Variants in SEMA3E observed in about 807,000 individuals in gnomAD.
The protein encoded by SEMA3E is semaphorin 3E.
A neutral mutation model predicts 93.6 loss-of-function variants in SEMA3E; 49 were observed. The ratio of observed to expected loss-of-function variants is 0.52; its 90% CI spans 0.42 to 0.66. The LOEUF is 0.66. SEMA3E is among the 30% of genes least tolerant of loss of function. The pLI, the probability that SEMA3E is intolerant of heterozygous loss-of-function variation, is 0.00. For synonymous variants in SEMA3E, 363 were observed against 330.7 expected, an observed-to-expected ratio of 1.10 and a Z score of -1.06; for missense variants, 906 against 964.8, an observed-to-expected ratio of 0.94 and a Z score of 0.81.
At chr7:83,429,747 T>A (rs1011948919) in intron 4 of SEMA3E, among the ~76,000 whole-genome samples, 2 of 152,208 alleles carry the variant, frequency 1.3e-5, no homozygotes, top group East Asian at 3.8e-4. Context: ...CAAGTGACTT[T>A]CTTTAAAGTT....
intron 7 of SEMA3E, among the ~76,000 whole-genome samples, chr7:83,406,880 T>C (rs1203849644): frequency 1.3e-5 from 2 of 152,174 alleles, no homozygotes. Context: ...CTTCTTGGTA[T>C]AGCTTCAAAA....
At chr7:83,520,948 G>A (rs1188495393) in intron 1 of SEMA3E, among the ~76,000 whole-genome samples, 1 of 152,158 alleles carries the variant, frequency 6.6e-6, no homozygotes, top group Non-Finnish European at 1.5e-5. Flanking sequence ...ACACGTATGG[G>A]GCATTAGGTT....
At chr7:83,620,124 T>C (rs2044826609) in intron 1 of SEMA3E, among the ~76,000 whole-genome samples, 1 of 151,876 alleles carries the variant, frequency 6.6e-6, no homozygotes, top group African/African-American at 2.4e-5. Flanking sequence ...TCAGAATGAA[T>C]AAAGTGATAG....
chr7:83,409,320 A>T (rs933329990), intron 5 of SEMA3E, among the ~76,000 whole-genome samples: 2 of 152,130 alleles, frequency 1.3e-5, no homozygotes, highest in African/African-American at 2.4e-5. Flanking sequence ...CTTTCCCAAA[A>T]CTCACAAGAG....
chr7:83,620,929 C>A (rs1267389520), intron 1 of SEMA3E, among the ~76,000 whole-genome samples: 2 of 152,144 alleles, frequency 1.3e-5, no homozygotes, highest in East Asian at 3.9e-4. Flanking sequence ...CCTTGAAAAC[C>A]AGCACAAGGC....
chr7:83,563,130 TG>T (rs769318228), intron 1 of SEMA3E, among the ~76,000 whole-genome samples: 1 of 152,202 alleles, frequency 6.6e-6, no homozygotes, highest in Non-Finnish European at 1.5e-5. Context: ...ATCTGATCAT[TG>T]GCCAGCCTGT....
intron 2 of SEMA3E, among the ~76,000 whole-genome samples, chr7:83,480,470 TAAAG>T (rs1207486503): frequency 6.6e-6 from 1 of 152,162 alleles, no homozygotes; most frequent in Non-Finnish European, 1.5e-5. Context: ...TAAGATGTTT[TAAAG>T]TCACAGGGAA....
intron 1 of SEMA3E, among the ~76,000 whole-genome samples, chr7:83,638,597 T>C (rs975109457): frequency 1.3e-5 from 2 of 152,178 alleles, no homozygotes; most frequent in Non-Finnish European, 2.9e-5. Flanking sequence ...CAGATAATGG[T>C]AATATAGTTA....
In SEMA3E at chr7:83,402,617, T is replaced by G. The variant is rs775045251; in HGVS notation, c.1143+15A>C. 1.2e-6 allele frequency: 2 copies of G among 1,606,846 alleles called. No homozygotes were observed. Among genetic ancestry groups the G allele is most frequent in the Non-Finnish European group, 1.7e-6 (2 of 1,173,892 alleles). On this transcript the variant is annotated intron_variant, in intron 10 of 16. Coordinates refer to ENST00000643230, the MANE Select transcript of SEMA3E (RefSeq NM_012431.3). ...ACTTAAAAATAAGAATTATTTGTTA[T>G]ATAACTAAACTTACAGAACCAGGCC... is the stretch of plus-strand genomic sequence containing the variant.
chr7:83,492,896 A>G (rs1790414790), intron 1 of SEMA3E, among the ~76,000 whole-genome samples: 1 of 151,930 alleles, frequency 6.6e-6, no homozygotes, highest in African/African-American at 2.4e-5. Context: ...TTACCTCTAA[A>G]AACATGAGAA....
intron 1 of SEMA3E, among the ~76,000 whole-genome samples, chr7:83,608,171 C>A (rs191251770): frequency 1.3e-5 from 2 of 152,040 alleles, no homozygotes; most frequent in Admixed American, 6.6e-5. Context: ...CAAGATCATG[C>A]CATTGCACTT....
At chr7:83,512,049 A>T (rs994021232) in intron 1 of SEMA3E, among the ~76,000 whole-genome samples, 13 of 152,122 alleles carry the variant, frequency 8.5e-5, no homozygotes, top group African/African-American at 3.1e-4. Flanking sequence ...CATTAGTTTT[A>T]TTTTTTTTAC....
At chr7:83,601,973 G>A (rs1224654792) in intron 1 of SEMA3E, among the ~76,000 whole-genome samples, 2 of 152,186 alleles carry the variant, frequency 1.3e-5, no homozygotes, top group Admixed American at 6.5e-5. Context: ...TGTAATCAAT[G>A]TGAGCATATT....
rs977362422 is a variant in SEMA3E, at chr7:83,364,290, T to C, written c.*3296A>G. On this transcript the variant is annotated 3_prime_UTR_variant, in exon 17 of 17. Transcript: ENST00000643230. ...TAGTATTTTACAAATTTTACAAATG[T>C]TTATAATTACTATGAAGATTTACAA... 2.0e-5 allele frequency: 3 copies of C among 152,194 alleles called. No homozygotes were observed. Among genetic ancestry groups the C allele is most frequent in the Admixed American group, 6.5e-5 (1 of 15,282 alleles). 9.4% of individuals were successfully genotyped at this position (152,194 alleles called of 1,614,324 possible). A position where few individuals can be genotyped will look rare whatever the true frequency, so the allele number is the denominator to read the frequency against.
At chr7:83,517,256 C>T (rs970919839) in intron 1 of SEMA3E, among the ~76,000 whole-genome samples, 4 of 152,100 alleles carry the variant, frequency 2.6e-5, no homozygotes, top group African/African-American at 9.7e-5. Context: ...TGCTCTATGG[C>T]CTTTACACAC....
At chr7:83,550,109 C>T (rs1791735083) in intron 1 of SEMA3E, among the ~76,000 whole-genome samples, 1 of 152,004 alleles carries the variant, frequency 6.6e-6, no homozygotes, top group Admixed American at 6.6e-5. Flanking sequence ...ACATCGTAAG[C>T]CAAGAAAATC....
chr7:83,533,893 T>TG (rs1791355898), intron 1 of SEMA3E, among the ~76,000 whole-genome samples: 1 of 152,180 alleles, frequency 6.6e-6, no homozygotes, highest in Admixed American at 6.5e-5. Flanking sequence ...TTTAGGCTAT[T>TG]GTCCTAAAGA....
chr7:83,414,798 A>C, intron 5 of SEMA3E, among the ~76,000 whole-genome samples: 1 of 152,062 alleles, frequency 6.6e-6, no homozygotes, highest in East Asian at 1.9e-4. Flanking sequence ...TTTTCCCCAA[A>C]CTCTAGCTAC....
chr7:83,476,469 CA>C (rs1313940301), intron 2 of SEMA3E, among the ~76,000 whole-genome samples: 1 of 152,094 alleles, frequency 6.6e-6, no homozygotes, highest in Non-Finnish European at 1.5e-5. Context: ...CAGTAAAGTT[CA>C]ACACATGGGG....
Sources: allele counts gnomAD v4.1 joint callset (sites outside exome capture counted in the v4.1 genomes callset), GRCh38; gene constraint gnomAD v4.1.1; transcripts MANE v1.5; gene names NCBI Gene and HGNC (gene_info 2026-07-23, HGNC 2026-07-21).